Variants in ATP6V1C2 observed in about 807,000 individuals in gnomAD.
ATP6V1C2 encodes ATPase H+ transporting V1 subunit C2.
A neutral mutation model predicts 56.8 loss-of-function variants in ATP6V1C2; 45 were observed. That is an observed-to-expected ratio of 0.79 (90% CI 0.62 to 1.02). ATP6V1C2 has a LOEUF of 1.02. Ranked by LOEUF, ATP6V1C2 falls within the 50% of genes least tolerant of loss-of-function variation. ATP6V1C2 has a pLI of 0.00. For synonymous variants in ATP6V1C2, 220 were observed against 201.3 expected (o/e 1.09, Z -0.79); for missense variants, 463 against 519.7 (o/e 0.89, Z 1.06).
intron 1 of ATP6V1C2, 158 bp from the exon 2 acceptor site, chr2:10,722,666 T>C (rs940860324): frequency 2.5e-5 from 19 of 746,608 alleles, no homozygotes; most frequent in Non-Finnish European, 3.0e-5. Flanking sequence ...ACCTGAGGGC[T>C]GCCCAGGTGG....
intron 4 of ATP6V1C2, among the ~76,000 whole-genome samples, chr2:10,759,233 G>A (rs1663747227): frequency 6.6e-6 from 1 of 152,198 alleles, no homozygotes; most frequent in Non-Finnish European, 1.5e-5. Context: ...GCTTCGTCAG[G>A]ACCGGTTGTT....
intron 11 of ATP6V1C2, chr2:10,778,362 T>C (rs1350015184): frequency 1.7e-6 from 1 of 573,352 alleles, no homozygotes; most frequent in Non-Finnish European, 3.1e-6. Context: ...ATGCACCGGG[T>C]GGCTGGCCCG....
chr2:10,742,045 G>C lies in ATP6V1C2; in HGVS notation c.198-11936G>C, dbSNP rs141586064. On this transcript the variant is annotated intron_variant, in intron 3 of 13. Coordinates refer to ENST00000272238, the MANE Select transcript of ATP6V1C2 (RefSeq NM_001039362.2). ...CTGCCTCAGCCTCCCGAGTAGCTGG[G>C]ATTACAGGCACGCACCACCACACCC... Among the ~76,000 whole-genome samples, 144 of 152,170 alleles carry C rather than the reference G, an allele frequency of 9.5e-4. 1 individual carries two copies. In the East Asian group the frequency reaches 0.027, roughly 28 times the overall value.
chr2:10,777,265 T>C (rs1376011449), intron 10 of ATP6V1C2, among the ~76,000 whole-genome samples: 2 of 152,248 alleles, frequency 1.3e-5, no homozygotes, highest in Admixed American at 1.3e-4. Context: ...CTCCCGGTGC[T>C]GTCCTGGTCG....
chr2:10,746,190 A>G (rs569169843), intron 3 of ATP6V1C2, among the ~76,000 whole-genome samples: 34 of 151,690 alleles, frequency 2.2e-4, no homozygotes, highest in Admixed American at 2.6e-4. Flanking sequence ...AGTAGAGATG[A>G]GGTTTCACCA....
intron 3 of ATP6V1C2, among the ~76,000 whole-genome samples, chr2:10,743,566 G>A (rs1662680459): frequency 6.6e-6 from 1 of 151,408 alleles, no homozygotes; most frequent in South Asian, 2.1e-4. Flanking sequence ...TACATTTCTG[G>A]AAGTTCAATG....
chr2:10,764,236 C>T (rs1010328537), intron 4 of ATP6V1C2, 95 bp from the exon 5 acceptor site: 12 of 1,122,836 alleles, frequency 1.1e-5, no homozygotes, highest in Admixed American at 7.3e-5. Context: ...TGGCTGCCTT[C>T]GTGTCCACGC....
chr2:10,721,019 AC>A (rs1572484143), upstream of ATP6V1C2: 1 of 145,344 alleles, frequency 6.9e-6, no homozygotes. Context: ...CCGCCCCCCC[AC>A]CCCCCATCCA....
chr2:10,779,297 G>A (rs2148516149), intron 12 of ATP6V1C2, among the ~76,000 whole-genome samples: 1 of 150,944 alleles, frequency 6.6e-6, no homozygotes, highest in Middle Eastern at 3.4e-3. Context: ...AGTAGAGGCG[G>A]GGTTTCACCA....
At chr2:10,776,954 C>A (rs1665031301) in intron 10 of ATP6V1C2, among the ~76,000 whole-genome samples, 1 of 152,224 alleles carries the variant, frequency 6.6e-6, no homozygotes. Context: ...GAGAATCTGG[C>A]CCCCTCTGGC....
Position 10,784,320 on chromosome 2 carries a change from C to T in ATP6V1C2, c.*1057C>T, listed in dbSNP as rs150048716. 9.9e-4 allele frequency: 1,598 copies of T among 1,612,500 alleles called. 3 individuals are homozygous for T. Among genetic ancestry groups the T allele is most frequent in the Non-Finnish European group, 1.3e-3 (1,540 of 1,179,486 alleles). ...TCACTGAGGTCAATGTCATCCTCCA[C>T]GGGAAGCTGGGAGACGACAGAAAGC... On this transcript the variant is annotated 3_prime_UTR_variant, in exon 14 of 14. Transcript: ENST00000272238.
chr2:10,734,044 G>T lies in ATP6V1C2; in HGVS notation c.197+7475G>T, dbSNP rs144794533. Reference sequence around the variant, plus strand: ...AAAAGCATATAGGCTTTTCTTCTCTGTTGGTGGAAGAATGTCAGATTGAGA... The same window carrying T: ...AAAAGCATATAGGCTTTTCTTCTCTTTTGGTGGAAGAATGTCAGATTGAGA... On this transcript the variant is annotated intron_variant, in intron 3 of 13. Coordinates refer to ENST00000272238, the MANE Select transcript of ATP6V1C2 (RefSeq NM_001039362.2). 1.5e-3 allele frequency among the ~76,000 whole-genome samples: 235 copies of T among 152,322 alleles called. 2 individuals are homozygous for T. The highest frequency in any genetic ancestry group is 5.3e-3 in the African/African-American group (221 of 41,586).
At chr2:10,779,158 G>A (rs1357121741) in intron 12 of ATP6V1C2, among the ~76,000 whole-genome samples, 1 of 151,636 alleles carries the variant, frequency 6.6e-6, no homozygotes, top group South Asian at 2.1e-4. Flanking sequence ...AGGCTAGAGT[G>A]CAATGGCATG....
In ATP6V1C2 at chr2:10,783,546, AC is replaced by A; in HGVS notation, c.*284del. ...ACCTGCTGCTGTATTTCATGTCTTA[AC>A]GGCTATTTTGAGGTTCATTAACAAC... On this transcript the variant is annotated 3_prime_UTR_variant, in exon 14 of 14. Transcript: ENST00000272238. The A allele has an allele frequency of 3.2e-6, 1 of 307,848 alleles. No homozygotes were observed. The highest frequency in any genetic ancestry group is 3.5e-5 in the South Asian group (1 of 28,316). The allele number at this position is 307,848 out of a possible 1,614,324, so 19.1% of individuals were successfully genotyped here.
chr2:10,737,370 C>T (rs1426823573), intron 3 of ATP6V1C2, among the ~76,000 whole-genome samples: 3 of 147,104 alleles, frequency 2.0e-5, no homozygotes, highest in Non-Finnish European at 3.0e-5. Flanking sequence ...GTGCAGTGAG[C>T]GGAGATCACG....
Position 10,774,843 on chromosome 2 carries a change from GTGAT to G in ATP6V1C2, c.698_701del (p.Ile233LysfsTer63). ...TTTCACTGTGACTCTGTTTCGAAAA[GTGAT>G]TGAAGATTTCAAAACCAAGGCCAAA... is the stretch of plus-strand genomic sequence containing the variant. On this transcript the variant is annotated frameshift_variant, in exon 9 of 14. Transcript: ENST00000272238. LOFTEE classifies it high-confidence loss of function. 6.2e-7 allele frequency: 1 copy of G among 1,614,224 alleles called. No individual in the cohort carries two copies. The highest frequency in any genetic ancestry group is 1.1e-5 in the South Asian group (1 of 91,086).
At chr2:10,742,944 C>T (rs1662643107) in intron 3 of ATP6V1C2, among the ~76,000 whole-genome samples, 1 of 152,198 alleles carries the variant, frequency 6.6e-6, no homozygotes, top group Non-Finnish European at 1.5e-5. Flanking sequence ...CCAGTCCCTA[C>T]CTGCCCTGCC....
intron 13 of ATP6V1C2, 39 bp from the exon 14 acceptor site, chr2:10,783,135 G>C: frequency 6.6e-7 from 1 of 1,511,566 alleles, no homozygotes. Flanking sequence ...CAGGAAACTA[G>C]TTTATGCACT....
intron 3 of ATP6V1C2, among the ~76,000 whole-genome samples, chr2:10,751,718 T>C (rs1351886656): frequency 6.6e-6 from 1 of 152,116 alleles, no homozygotes; most frequent in Non-Finnish European, 1.5e-5. Flanking sequence ...TACCCAACTT[T>C]TGGGAATTTT....
Sources: allele counts gnomAD v4.1 joint callset (sites outside exome capture counted in the v4.1 genomes callset), GRCh38; gene constraint gnomAD v4.1.1; transcripts MANE v1.5; gene names NCBI Gene and HGNC (gene_info 2026-07-23, HGNC 2026-07-21).